Variants in BABAM2 observed in about 807,000 individuals in gnomAD.
BABAM2 encodes BRISC and BRCA1 A complex member 2.
Under a neutral mutation model 54.7 loss-of-function variants are expected in BABAM2, and 31 were observed. The ratio of observed to expected loss-of-function variants is 0.57; its 90% CI spans 0.43 to 0.77. The LOEUF (loss-of-function observed/expected upper bound fraction) is 0.77. BABAM2 is among the 30% of genes least tolerant of loss of function. The pLI is 0.00. For synonymous variants in BABAM2, 167 were observed against 162.9 expected, an observed-to-expected ratio of 1.03 and a Z score of -0.19; for missense variants, 364 against 455.8, an observed-to-expected ratio of 0.80 and a Z score of 1.83.
intron 7 of BABAM2, among the ~76,000 whole-genome samples, chr2:28,205,771 T>G (rs1678779597): frequency 6.6e-6 from 1 of 152,188 alleles, no homozygotes; most frequent in Non-Finnish European, 1.5e-5. Flanking sequence ...CAATCTATGA[T>G]ATTTATATAT....
intron 2 of BABAM2, among the ~76,000 whole-genome samples, chr2:27,927,581 G>A (rs1667801496): frequency 6.6e-6 from 1 of 152,268 alleles, no homozygotes; most frequent in East Asian, 1.9e-4. Flanking sequence ...AATAACTACT[G>A]TGTTGTGGGG....
chr2:27,964,660 A>G (rs1446024211), intron 3 of BABAM2, among the ~76,000 whole-genome samples: 1 of 152,184 alleles, frequency 6.6e-6, no homozygotes, highest in Admixed American at 6.5e-5. Flanking sequence ...AGAAATCATG[A>G]CACATTACAC....
intron 10 of BABAM2, among the ~76,000 whole-genome samples, chr2:28,248,207 C>CTTTTTCTTTTTTT (rs1553349503): frequency 0.22 from 11,582 of 53,450 alleles, 2,865 homozygotes; most frequent in Non-Finnish European, 0.32. Context: ...TTTTCTTTTT[C>CTTTTTCTTTTTTT]TTTTTTTTTT....
chr2:28,297,437 T>A (rs1687786371), intron 10 of BABAM2, among the ~76,000 whole-genome samples: 1 of 152,226 alleles, frequency 6.6e-6, no homozygotes, highest in Non-Finnish European at 1.5e-5. Context: ...CATACACATA[T>A]ACGTTATATA....
At chr2:28,223,546 C>T (rs1680601123) in intron 7 of BABAM2, among the ~76,000 whole-genome samples, 1 of 152,224 alleles carries the variant, frequency 6.6e-6, no homozygotes, top group Admixed American at 6.5e-5. Context: ...TTGACTTGAT[C>T]GTACTCTCTG....
intron 4 of BABAM2, 27 bp downstream of exon 4, chr2:27,988,114 A>T (rs1672532808): frequency 1.3e-6 from 2 of 1,596,442 alleles, no homozygotes; most frequent in Admixed American, 1.7e-5. Flanking sequence ...TGCTTGAATG[A>T]TCTTTCTTTG....
Position 27,964,646 on chromosome 2 carries a change from C to T in BABAM2, c.206-23347C>T, listed in dbSNP as rs147294516. On this transcript the variant is annotated intron_variant, in intron 3 of 11. Coordinates refer to ENST00000379624, the MANE Select transcript of BABAM2 (RefSeq NM_199191.3). Reference sequence around the variant, plus strand: ...TGTAGGAACAACATTAGGGTGTGTTCGACAGAAATCATGACACATTACACA... The same window carrying T: ...TGTAGGAACAACATTAGGGTGTGTTTGACAGAAATCATGACACATTACACA... Among the ~76,000 whole-genome samples the T allele has an allele frequency of 4.6e-3, 698 of 151,972 alleles. 3 individuals carry two copies. Among genetic ancestry groups the T allele is most frequent in the African/African-American group, 0.016 (658 of 41,432 alleles).
intron 7 of BABAM2, among the ~76,000 whole-genome samples, chr2:28,144,855 A>G (rs1485048105): frequency 6.6e-6 from 1 of 152,228 alleles, no homozygotes; most frequent in Non-Finnish European, 1.5e-5. Context: ...AGTATGTGGC[A>G]ATAACAGGAT....
chr2:28,147,526 T>C (rs1671604384), intron 7 of BABAM2, among the ~76,000 whole-genome samples: 2 of 151,926 alleles, frequency 1.3e-5, no homozygotes, highest in South Asian at 4.2e-4. Flanking sequence ...CAGGCTGGAA[T>C]GCAGTGGCAC....
intron 8 of BABAM2, among the ~76,000 whole-genome samples, chr2:28,238,201 A>G (rs915181658): frequency 9.8e-5 from 15 of 152,354 alleles, no homozygotes; most frequent in East Asian, 3.9e-4. Flanking sequence ...TCTTAGCTAC[A>G]TCAATGAGCC....
At chr2:28,018,400 G>A (rs1189602285) in intron 4 of BABAM2, among the ~76,000 whole-genome samples, 3 of 151,966 alleles carry the variant, frequency 2.0e-5, no homozygotes, top group Non-Finnish European at 2.9e-5. Context: ...TTATCCACTC[G>A]TTGATTGATG....
intron 1 of BABAM2, chr2:27,891,205 A>C (rs1664810658): frequency 6.6e-6 from 1 of 152,144 alleles, no homozygotes; most frequent in South Asian, 2.1e-4. Context: ...TTTTTCTCGA[A>C]TGTTGCCCCT....
intron 3 of BABAM2, among the ~76,000 whole-genome samples, chr2:27,974,002 T>G (rs1341043586): frequency 6.6e-6 from 1 of 152,112 alleles, no homozygotes; most frequent in African/African-American, 2.4e-5. Flanking sequence ...CAGAAAGAAA[T>G]AGATTATCTG....
chr2:28,204,348 TTA>T (rs1678598534), intron 7 of BABAM2, among the ~76,000 whole-genome samples: 1 of 152,178 alleles, frequency 6.6e-6, no homozygotes, highest in Non-Finnish European at 1.5e-5. Flanking sequence ...AATGTGATGT[TTA>T]GGCCAAGACC....
At chr2:28,054,268 T>G (rs1186774733) in intron 6 of BABAM2, among the ~76,000 whole-genome samples, 1 of 152,118 alleles carries the variant, frequency 6.6e-6, no homozygotes, top group African/African-American at 2.4e-5. Flanking sequence ...ATTAGTACCT[T>G]CAACTCTGTT....
chr2:27,946,841 A>G (rs1267168105), intron 3 of BABAM2, among the ~76,000 whole-genome samples: 1 of 152,148 alleles, frequency 6.6e-6, no homozygotes, highest in East Asian at 1.9e-4. Flanking sequence ...CTTTTAAGGA[A>G]TTTGTTCATT....
chr2:28,069,567 T>C (rs932177413), intron 6 of BABAM2, among the ~76,000 whole-genome samples: 2 of 152,216 alleles, frequency 1.3e-5, no homozygotes, highest in African/African-American at 4.8e-5. Flanking sequence ...ATTGCCCTGC[T>C]ACCATGAGAA....
chr2:28,222,890 A>G (rs756495503), intron 7 of BABAM2, among the ~76,000 whole-genome samples: 17 of 152,302 alleles, frequency 1.1e-4, no homozygotes, highest in Non-Finnish European at 2.4e-4. Flanking sequence ...GGCAGCCTGG[A>G]CCATGAGGCA....
rs570811511 is a variant in BABAM2 at position 28,121,047 on chromosome 2, A to G, written c.571-8224A>G. Among the ~76,000 whole-genome samples the G allele has an allele frequency of 2.5e-4, 38 of 152,332 alleles. No individual in the cohort carries two copies. The South Asian group carries it at 6.0e-3, about 24-fold the overall frequency. On this transcript the variant is annotated intron_variant, in intron 6 of 11. Transcript: ENST00000379624. ...GAACCAAATCAGAAGTAACTACTAAATGCTGCCTTCATAAGGGATATCAAA... is the reference window on the plus strand; with the variant it reads ...GAACCAAATCAGAAGTAACTACTAAGTGCTGCCTTCATAAGGGATATCAAA...
Sources: allele counts gnomAD v4.1 joint callset (sites outside exome capture counted in the v4.1 genomes callset), GRCh38; gene constraint gnomAD v4.1.1; transcripts MANE v1.5; gene names NCBI Gene and HGNC (gene_info 2026-07-23, HGNC 2026-07-21).